The following WDFY4 variants were observed in gnomAD, a reference collection of about 807,000 sequenced individuals.
WDFY4 encodes the protein WD repeat- and FYVE domain-containing protein 4.
Under a neutral mutation model 351.9 loss-of-function variants are expected in WDFY4, and 169 were observed. The ratio of observed to expected loss-of-function variants is 0.48; its 90% CI spans 0.42 to 0.55. The LOEUF (loss-of-function observed/expected upper bound fraction) is 0.55. WDFY4 is among the 20% of genes least tolerant of loss of function. The pLI is 0.00. For synonymous variants in WDFY4, 1,622 were observed against 1,574.6 expected, an observed-to-expected ratio of 1.03 and a Z score of -0.71; for missense variants, 3,803 against 3,935.6, an observed-to-expected ratio of 0.97 and a Z score of 0.90.
At chr10:48,894,092 G>T (rs2133380284) in intron 44 of WDFY4, among the ~76,000 whole-genome samples, 1 of 152,366 alleles carries the variant, frequency 6.6e-6, no homozygotes, top group African/African-American at 2.4e-5. Flanking sequence ...CAATTTGGAA[G>T]TCAATCAGGG....
At chr10:48,901,677 G>A (rs1837359907) in intron 46 of WDFY4, 124 bp from the exon 47 acceptor site, 1 of 1,037,224 alleles carries the variant, frequency 9.6e-7, no homozygotes, top group African/African-American at 1.6e-5. Context: ...ACGACCTGGG[G>A]GCAGGATGGA....
chr10:48,809,448 C>A (rs1156526135), intron 28 of WDFY4, among the ~76,000 whole-genome samples: 2 of 151,494 alleles, frequency 1.3e-5, no homozygotes, highest in African/African-American at 4.9e-5. Flanking sequence ...ACCACCACCA[C>A]CATCAGCATC....
chr10:48,877,336 T>A, intron 43 of WDFY4, 137 bp downstream of exon 43: 3 of 862,574 alleles, frequency 3.5e-6, no homozygotes, highest in African/African-American at 1.7e-5. Flanking sequence ...AACACAATAA[T>A]CAGTGAAAAA....
chr10:48,820,585 C>G lies in WDFY4; in HGVS notation c.5709+148C>G. ...CTGTGAACCATGGGCCCCAAAAAAGCAACAGGTGATAGAGGAGTGAGCACA... is the reference window on the plus strand; with the variant it reads ...CTGTGAACCATGGGCCCCAAAAAAGGAACAGGTGATAGAGGAGTGAGCACA... On this transcript the variant is annotated intron_variant, in intron 33 of 61. Transcript: ENST00000325239. 1.4e-5 allele frequency: 12 copies of G among 865,696 alleles called. 1 individual carries two copies. The highest frequency in any genetic ancestry group is 8.5e-5 in the African/African-American group (5 of 58,682). 53.6% of individuals were successfully genotyped at this position (865,696 alleles called of 1,614,324 possible).
intron 40 of WDFY4, 69 bp from the exon 41 acceptor site, chr10:48,873,422 G>A: frequency 6.9e-7 from 1 of 1,455,252 alleles, no homozygotes; most frequent in Non-Finnish European, 9.1e-7. Context: ...CACCCCAGGA[G>A]GTTTGGGGCC....
chr10:48,981,549 GCT>G (rs1842806349), intron 61 of WDFY4, 71 bp downstream of exon 61: 1 of 1,454,298 alleles, frequency 6.9e-7, no homozygotes, highest in Admixed American at 2.0e-5. Flanking sequence ...AGCCCCAGTG[GCT>G]CTGAGTCCAG....
intron 1 of WDFY4, among the ~76,000 whole-genome samples, chr10:48,707,932 G>T (rs938759359): frequency 6.6e-6 from 1 of 151,790 alleles, no homozygotes; most frequent in Non-Finnish European, 1.5e-5. Flanking sequence ...CTTAGAGTTA[G>T]CCCCCCAAAA....
At chr10:48,778,151 T>C (rs2066096202) in intron 17 of WDFY4, among the ~76,000 whole-genome samples, 1 of 152,224 alleles carries the variant, frequency 6.6e-6, no homozygotes. Flanking sequence ...TATGGGATCA[T>C]GGGTGCTGGG....
At chr10:48,881,056 C>T (rs2070227632) in intron 43 of WDFY4, among the ~76,000 whole-genome samples, 2 of 152,358 alleles carry the variant, frequency 1.3e-5, no homozygotes, top group Non-Finnish European at 1.5e-5. Context: ...TGGGGTTCTA[C>T]TCCTGGTCTC....
chr10:48,816,282 C>G (rs1185462187), intron 31 of WDFY4, among the ~76,000 whole-genome samples: 1 of 152,136 alleles, frequency 6.6e-6, no homozygotes, highest in Non-Finnish European at 1.5e-5. Context: ...ATATAAATAA[C>G]CAGCTCTTGG....
At chr10:48,853,796 GT>G (rs1176896997) in intron 39 of WDFY4, among the ~76,000 whole-genome samples, 1 of 152,168 alleles carries the variant, frequency 6.6e-6, no homozygotes, top group African/African-American at 2.4e-5. Flanking sequence ...GTGTCACTGT[GT>G]CATCTCTGCC....
rs747717433 is a variant in WDFY4 at position 48,820,255 on chromosome 10, C to T, written c.5527C>T (p.Arg1843Trp). 44 of 1,551,524 alleles carry T rather than the reference C, an allele frequency of 2.8e-5. No homozygotes were observed. Among genetic ancestry groups the T allele is most frequent in the African/African-American group, 2.3e-4 (17 of 73,020 alleles). The change falls in exon 33 of 62, where the codon CGG becomes TGG. Residue 1843 changes from arginine (R) to tryptophan (W), a missense_variant. Around this residue, in one of 3 missense-constraint regions of WDFY4, gnomAD observed 3,054 missense variants for 3,148.6 expected, o/e 0.97. Transcript: ENST00000325239. ...TGAGGGGGTTGGGGCTGAGTCCACC[C>T]GGAACACCAGCAGTCCTGAGGCCGC... ...AQKGVGAEST[R>W]NTSSPEAAAE...
At chr10:48,772,201 G>T (rs1004609060) in intron 13 of WDFY4, among the ~76,000 whole-genome samples, 34 of 152,280 alleles carry the variant, frequency 2.2e-4, no homozygotes, top group African/African-American at 7.7e-4. Flanking sequence ...GGCAGGGAAA[G>T]AGCTGAAGGA....
chr10:48,830,536 C>T (rs953515332), intron 37 of WDFY4, among the ~76,000 whole-genome samples, 164 bp from the exon 38 acceptor site: 1 of 152,138 alleles, frequency 6.6e-6, no homozygotes, highest in Non-Finnish European at 1.5e-5. Context: ...GCCTGTGGCT[C>T]TCAGTACTGA....
intron 2 of WDFY4, among the ~76,000 whole-genome samples, chr10:48,714,739 A>G (rs1224539555): frequency 6.6e-6 from 1 of 152,250 alleles, no homozygotes; most frequent in African/African-American, 2.4e-5. Flanking sequence ...GAGAAAGCAG[A>G]AAGTAAAATA....
chr10:48,864,003 G>T (rs1341096604), intron 39 of WDFY4, among the ~76,000 whole-genome samples: 1 of 152,144 alleles, frequency 6.6e-6, no homozygotes, highest in Non-Finnish European at 1.5e-5. Flanking sequence ...TGATTTAGTT[G>T]CCTCCACCTG....
At chr10:48,730,632 T>C (rs1207344347) in intron 8 of WDFY4, among the ~76,000 whole-genome samples, 3 of 152,286 alleles carry the variant, frequency 2.0e-5, no homozygotes, top group Non-Finnish European at 2.9e-5. Flanking sequence ...CTGAAACCAA[T>C]CCTCCTAGCC....
At chr10:48,759,111 T>A (rs1407861638) in intron 12 of WDFY4, among the ~76,000 whole-genome samples, 1 of 152,166 alleles carries the variant, frequency 6.6e-6, no homozygotes. Flanking sequence ...CCATCTTCCC[T>A]GGACTCTCTG....
At chr10:48,811,038 G>A (rs145070721) in intron 29 of WDFY4, among the ~76,000 whole-genome samples, 111 of 152,326 alleles carry the variant, frequency 7.3e-4, no homozygotes, top group Non-Finnish European at 1.4e-3. Context: ...CTCTTCTCCT[G>A]ATGTGGATTC....
Sources: allele counts gnomAD v4.1 joint callset (sites outside exome capture counted in the v4.1 genomes callset), GRCh38; gene constraint gnomAD v4.1.1; regional missense constraint gnomAD v4.1.1; transcripts MANE v1.5; gene names NCBI Gene and HGNC (gene_info 2026-07-23, HGNC 2026-07-21).